The following EIPR1 variants were observed in gnomAD, a reference collection of about 807,000 sequenced individuals.
EIPR1 encodes EARP complex and GARP complex interacting protein 1.
Under a neutral mutation model 48.1 loss-of-function variants are expected in EIPR1, and 25 were observed. The observed-to-expected ratio is 0.52, with a 90% confidence interval of 0.38 to 0.73. The LOEUF (loss-of-function observed/expected upper bound fraction) is 0.73, where lower values mean the gene tolerates loss of function less well. Ranked by LOEUF, EIPR1 falls within the 30% of genes least tolerant of loss-of-function variation. The probability of loss-of-function intolerance (pLI) is 0.00; values close to 1 mark genes in which losing one functional copy is unlikely to be tolerated. For missense variants in EIPR1, 415 were observed against 506.2 expected (o/e 0.82, Z 1.73); for synonymous variants, 204 against 201.9 (o/e 1.01, Z -0.09).
chr2:3,249,464 A>G (rs1481288467), intron 4 of EIPR1, among the ~76,000 whole-genome samples: 2 of 152,244 alleles, frequency 1.3e-5, no homozygotes, highest in Non-Finnish European at 2.9e-5. Context: ...CAGATACAGG[A>G]GCAAATAAAT....
intron 1 of EIPR1, among the ~76,000 whole-genome samples, chr2:3,372,019 T>C (rs1338230879): frequency 6.6e-6 from 1 of 151,748 alleles, no homozygotes; most frequent in Non-Finnish European, 1.5e-5. Context: ...GAACAGAAAT[T>C]ATAACAAACT....
At chr2:3,239,951 A>G (rs1245087771) in intron 4 of EIPR1, among the ~76,000 whole-genome samples, 1 of 152,382 alleles carries the variant, frequency 6.6e-6, no homozygotes, top group Admixed American at 6.5e-5. Flanking sequence ...CAAAGCCAGC[A>G]GACCCTTCCT....
At chr2:3,262,262 C>G (rs1181518372) in intron 3 of EIPR1, 1 of 152,304 alleles carries the variant, frequency 6.6e-6, no homozygotes. Flanking sequence ...CCAAACAGAC[C>G]TGGGCAGCCC....
intron 1 of EIPR1, among the ~76,000 whole-genome samples, chr2:3,358,774 C>T (rs1012244186): frequency 6.6e-6 from 1 of 152,174 alleles, no homozygotes; most frequent in Non-Finnish European, 1.5e-5. Context: ...CTGACTACTC[C>T]AAGGCTGAGC....
chr2:3,190,214 A>T (rs1260147563), intron 8 of EIPR1, among the ~76,000 whole-genome samples: 1 of 152,162 alleles, frequency 6.6e-6, no homozygotes, highest in Non-Finnish European at 1.5e-5. Context: ...GTGCATGGGG[A>T]GGGGGCCCTG....
intron 4 of EIPR1, among the ~76,000 whole-genome samples, chr2:3,243,474 T>C (rs1666700342): frequency 6.6e-6 from 1 of 151,796 alleles, no homozygotes; most frequent in African/African-American, 2.4e-5. Flanking sequence ...TACTAAAAAA[T>C]ACAAAAATTA....
intron 1 of EIPR1, among the ~76,000 whole-genome samples, chr2:3,375,065 T>C (rs1350597691): frequency 6.7e-6 from 1 of 149,302 alleles, no homozygotes; most frequent in African/African-American, 2.5e-5. Context: ...AAATGATGAG[T>C]TCATGTCCTT....
chr2:3,264,713 G>A (rs559212504), intron 3 of EIPR1, among the ~76,000 whole-genome samples: 188 of 151,832 alleles, frequency 1.2e-3, no homozygotes, highest in African/African-American at 4.4e-3. Context: ...TGTTTGTTTT[G>A]AGACCGAGTC....
intron 3 of EIPR1, among the ~76,000 whole-genome samples, chr2:3,327,088 G>A (rs1004177396): frequency 5.9e-5 from 9 of 152,234 alleles, no homozygotes; most frequent in East Asian, 1.9e-4. Flanking sequence ...TGGCAGAAAC[G>A]GCCACACAGG....
intron 3 of EIPR1, among the ~76,000 whole-genome samples, chr2:3,274,831 G>A (rs1248985486): frequency 6.6e-6 from 1 of 151,884 alleles, no homozygotes; most frequent in Admixed American, 6.6e-5. Context: ...TCATATTGTT[G>A]GAATAGAGAA....
chr2:3,287,782 C>CAGAAAGCTCATTCACTATGCTCT (rs1668246208), intron 3 of EIPR1, among the ~76,000 whole-genome samples: 5 of 126,722 alleles, frequency 3.9e-5, no homozygotes, highest in Admixed American at 2.3e-4. Flanking sequence ...CACTATGCTC[C>CAGAAAGCTCATTCACTATGCTCT]AGAAAGCTCA....
intron 1 of EIPR1, among the ~76,000 whole-genome samples, chr2:3,362,826 G>A (rs1452203636): frequency 6.6e-6 from 1 of 152,194 alleles, no homozygotes; most frequent in Non-Finnish European, 1.5e-5. Flanking sequence ...GCACGCCCCA[G>A]GGAGCAGTCC....
chr2:3,333,117 TAAG>T (rs756530196), intron 3 of EIPR1, among the ~76,000 whole-genome samples: 11 of 152,246 alleles, frequency 7.2e-5, no homozygotes, highest in East Asian at 3.9e-4. Flanking sequence ...CCACCCTTCT[TAAG>T]AATAGTAAGG....
At chr2:3,323,256 C>T (rs887937022) in intron 3 of EIPR1, among the ~76,000 whole-genome samples, 1 of 152,126 alleles carries the variant, frequency 6.6e-6, no homozygotes, top group Non-Finnish European at 1.5e-5. Context: ...GTGGAATCCC[C>T]GGTTAAACCA....
At chr2:3,371,194 G>T (rs938832026) in intron 1 of EIPR1, among the ~76,000 whole-genome samples, 3 of 152,096 alleles carry the variant, frequency 2.0e-5, no homozygotes, top group East Asian at 1.9e-4. Flanking sequence ...ATGCTGAGAG[G>T]TTTTGCCACC....
intron 4 of EIPR1, among the ~76,000 whole-genome samples, chr2:3,218,787 C>G (rs1259097942): frequency 1.9e-4 from 21 of 113,146 alleles, no homozygotes; most frequent in East Asian, 8.4e-4. Flanking sequence ...TTCACAGTGA[C>G]CCAGGTGCAC....
At chr2:3,226,002 A>G (rs906253624) in intron 4 of EIPR1, among the ~76,000 whole-genome samples, 1 of 152,224 alleles carries the variant, frequency 6.6e-6, no homozygotes, top group Non-Finnish European at 1.5e-5. Context: ...ATTCCACTCT[A>G]TATGTATCTA....
chr2:3,208,752 T>TG (rs1665326827), intron 5 of EIPR1: 2 of 1,547,916 alleles, frequency 1.3e-6, no homozygotes, highest in South Asian at 1.2e-5. Context: ...CTTCTGTGAG[T>TG]GAGGCCCGTG....
chr2:3,329,499 C>A (rs1669822261), intron 3 of EIPR1, among the ~76,000 whole-genome samples: 1 of 148,236 alleles, frequency 6.7e-6, no homozygotes, highest in Admixed American at 6.7e-5. Flanking sequence ...GAATCAGAGC[C>A]CACCCGCCAC....
Sources: allele counts gnomAD v4.1 joint callset (sites outside exome capture counted in the v4.1 genomes callset), GRCh38; gene constraint gnomAD v4.1.1; transcripts MANE v1.5; gene names NCBI Gene and HGNC (gene_info 2026-07-23, HGNC 2026-07-21).